The following HSDL2 variants were observed in gnomAD, a reference collection of about 807,000 sequenced individuals.
The protein encoded by HSDL2 is hydroxysteroid dehydrogenase like 2.
In HSDL2, 27 loss-of-function variants were observed where a neutral mutation model predicts 46.3. The observed-to-expected ratio is 0.58, with a 90% CI of 0.43 to 0.80. The LOEUF is 0.80. Ranked by LOEUF, HSDL2 falls within the 30% of genes least tolerant of loss-of-function variation. HSDL2 has a pLI of 0.00. For missense variants in HSDL2, 451 were observed against 502.7 expected, an observed-to-expected ratio of 0.90 and a Z score of 0.98; for synonymous variants, 153 against 163.6, an observed-to-expected ratio of 0.94 and a Z score of 0.50.
At chr9:112,433,588 C>A (rs901696789) in intron 6 of HSDL2, among the ~76,000 whole-genome samples, 1 of 152,066 alleles carries the variant, frequency 6.6e-6, no homozygotes, top group African/African-American at 2.4e-5. Context: ...GCTTGTAAGA[C>A]TGTAGAGAGA....
chr9:112,414,766 C>A (rs1831955237), intron 4 of HSDL2, among the ~76,000 whole-genome samples: 1 of 152,130 alleles, frequency 6.6e-6, no homozygotes, highest in Non-Finnish European at 1.5e-5. Context: ...CTCACCTCAC[C>A]TCCATAAAAG....
At chr9:112,411,993 A>G (rs1831878801) in intron 4 of HSDL2, among the ~76,000 whole-genome samples, 1 of 152,224 alleles carries the variant, frequency 6.6e-6, no homozygotes, top group Admixed American at 6.5e-5. Context: ...GGCAGTTTCT[A>G]TTATAGATGA....
chr9:112,424,320 C>CAAAA (rs34751911), intron 6 of HSDL2, among the ~76,000 whole-genome samples: 1 of 125,246 alleles, frequency 8.0e-6, no homozygotes, highest in African/African-American at 3.2e-5. Flanking sequence ...GATTCCATCT[C>CAAAA]AAAAAAAAAA....
intron 4 of HSDL2, among the ~76,000 whole-genome samples, chr9:112,411,336 A>C (rs1831861162): frequency 6.6e-6 from 1 of 152,220 alleles, no homozygotes; most frequent in Admixed American, 6.5e-5. Flanking sequence ...TATGTAAGGT[A>C]GGTCTCTATT....
At chr9:112,453,211 G>A (rs1399309136) in intron 8 of HSDL2, among the ~76,000 whole-genome samples, 1 of 152,122 alleles carries the variant, frequency 6.6e-6, no homozygotes, top group Non-Finnish European at 1.5e-5. Context: ...AAGTACACTT[G>A]GGTGTTGATT....
chr9:112,388,994 A>T (rs1361402078), intron 1 of HSDL2, among the ~76,000 whole-genome samples: 2 of 152,116 alleles, frequency 1.3e-5, no homozygotes, highest in East Asian at 3.9e-4. Flanking sequence ...AAGTAGATAC[A>T]TGAGAGACCA....
chr9:112,430,836 T>G (rs1255073923), intron 6 of HSDL2, among the ~76,000 whole-genome samples: 1 of 151,956 alleles, frequency 6.6e-6, no homozygotes, highest in Admixed American at 6.6e-5. Context: ...GTGAATCACC[T>G]GAGGTCAAGA....
chr9:112,381,538 T>G (rs1225927034), intron 1 of HSDL2, among the ~76,000 whole-genome samples: 3 of 152,142 alleles, frequency 2.0e-5, no homozygotes, highest in African/African-American at 4.8e-5. Flanking sequence ...GTATTTTTAG[T>G]ACAGACGGGG....
chr9:112,406,931 C>T (rs1399342007), intron 3 of HSDL2, among the ~76,000 whole-genome samples: 1 of 152,182 alleles, frequency 6.6e-6, no homozygotes, highest in Non-Finnish European at 1.5e-5. Context: ...ATGTCCAAAT[C>T]CTGCCTAAAC....
chr9:112,438,567 T>C lies in HSDL2; in HGVS notation c.735T>C (p.Asp245=), dbSNP rs755988534. ...PKSFTGNFVI[D]ENILKEEGIE... ...GTTTTACTGGCAACTTTGTCATTGA[T>C]GAAAATATCTTAAAAGAAGAAGGAA... The change falls in exon 7 of 11, where the codon GAT becomes GAC. Residue 245 remains aspartate (D), a synonymous_variant. Coordinates refer to ENST00000398805, the MANE Select transcript of HSDL2 (RefSeq NM_032303.5). 3 of 1,611,718 alleles carry C rather than the reference T, an allele frequency of 1.9e-6. No homozygotes were observed. The highest frequency in any genetic ancestry group is 2.5e-6 in the Non-Finnish European group (3 of 1,178,560).
At chr9:112,421,490 G>C (rs908611202) in intron 6 of HSDL2, among the ~76,000 whole-genome samples, 1 of 152,146 alleles carries the variant, frequency 6.6e-6, no homozygotes, top group African/African-American at 2.4e-5. Context: ...TAGTCACTCA[G>C]ATCTTTGTAA....
At chr9:112,434,767 C>T (rs1832485110) in intron 6 of HSDL2, among the ~76,000 whole-genome samples, 1 of 152,194 alleles carries the variant, frequency 6.6e-6, no homozygotes, top group Admixed American at 6.5e-5. Context: ...AAGCCTCATA[C>T]ACACTTCATA....
At chr9:112,438,982 T>C (rs1832587352) in intron 7 of HSDL2, among the ~76,000 whole-genome samples, 1 of 152,154 alleles carries the variant, frequency 6.6e-6, no homozygotes, top group African/African-American at 2.4e-5. Context: ...TGGTAACAGA[T>C]GGTACAGTAG....
chr9:112,398,847 A>G (rs1043350737), intron 1 of HSDL2, among the ~76,000 whole-genome samples: 2 of 152,162 alleles, frequency 1.3e-5, no homozygotes, highest in Non-Finnish European at 2.9e-5. Flanking sequence ...TAGGATGTCC[A>G]TATTTTCCAT....
rs755646420 is a variant in HSDL2 at position 112,408,886 on chromosome 9, AATTG to A, written c.281-17_281-14del. 3.9e-6 allele frequency: 5 copies of A among 1,281,592 alleles called. No homozygotes were observed. The highest frequency in any genetic ancestry group is 3.9e-5 in the Admixed American group (2 of 50,872). 79.4% of individuals were successfully genotyped at this position (1,281,592 alleles called of 1,614,324 possible). A position where few individuals can be genotyped will look rare whatever the true frequency, so the allele number is the denominator to read the frequency against. On this transcript the variant is annotated splice_polypyrimidine_tract_variant and intron_variant, in intron 3 of 10. Transcript: ENST00000398805. ...GATAAAAAGTCTTTCATTAAAATGA[AATTG>A]ATTATTTTGAAAACAGGAATTGATA... is the stretch of plus-strand genomic sequence containing the variant.
At chr9:112,439,572 T>C (rs554053177) in intron 7 of HSDL2, among the ~76,000 whole-genome samples, 3 of 152,338 alleles carry the variant, frequency 2.0e-5, no homozygotes, top group African/African-American at 7.2e-5. Flanking sequence ...AGGAGTTATA[T>C]TTATTTGCGC....
rs761508700 is a variant in HSDL2 at position 112,470,425 on chromosome 9, AT to A, written c.1145-3del. ...TTGCTTTTCCCTCTCTCATTTTCTC[AT>A]TTTAGGGAAACTAAAACCAACAATG... On this transcript the variant is annotated splice_region_variant and splice_polypyrimidine_tract_variant and intron_variant, in intron 10 of 10. Transcript: ENST00000398805. 2 of 1,583,512 alleles carry A rather than the reference AT, an allele frequency of 1.3e-6. No individual in the cohort carries two copies. Among genetic ancestry groups the A allele is most frequent in the Non-Finnish European group, 1.7e-6 (2 of 1,154,486 alleles).
chr9:112,423,816 C>T (rs542412763), intron 6 of HSDL2, among the ~76,000 whole-genome samples: 8 of 151,914 alleles, frequency 5.3e-5, no homozygotes, highest in East Asian at 2.0e-4. Flanking sequence ...GAGGCTCAAG[C>T]GATTCTTGTG....
chr9:112,438,516 A>G lies in HSDL2; in HGVS notation c.684A>G (p.Ala228=), dbSNP rs1832576723. 2 of 1,613,050 alleles carry G rather than the reference A, an allele frequency of 1.2e-6. No homozygotes were observed. The highest frequency in any genetic ancestry group is 1.7e-6 in the Non-Finnish European group (2 of 1,179,546). ...CRKVDIIADA[A]YSIFQKPKSF... is the part of the protein sequence containing the mutation. ...AAGTTGATATCATTGCAGATGCAGC[A>G]TATTCCATTTTCCAAAAGCCAAAAA... is the stretch of plus-strand genomic sequence containing the variant. The change falls in exon 7 of 11, where the codon GCA becomes GCG. Residue 228 remains alanine (A), a synonymous_variant. Coordinates refer to ENST00000398805, the MANE Select transcript of HSDL2 (RefSeq NM_032303.5).
Sources: gnomAD v4.1 joint callset for allele counts (sites outside exome capture counted in the v4.1 genomes callset) on GRCh38, gnomAD v4.1.1 for gene constraint, MANE v1.5 for transcripts, NCBI Gene and HGNC (gene_info 2026-07-23, HGNC 2026-07-21) for gene names.